The following SLC30A7 variants were observed in gnomAD, a reference collection of about 807,000 sequenced individuals.
SLC30A7 encodes zinc transporter 7.
In SLC30A7, 35 loss-of-function variants were observed where a neutral mutation model predicts 46.0. The observed-to-expected ratio is 0.76, with a 90% confidence interval of 0.58 to 1.01. The LOEUF (loss-of-function observed/expected upper bound fraction) is 1.01. SLC30A7 is among the 50% of genes least tolerant of loss of function. The pLI is 0.00. For missense variants in SLC30A7, 464 were observed against 451.1 expected, an observed-to-expected ratio of 1.03 and a Z score of -0.26; for synonymous variants, 147 against 157.8, an observed-to-expected ratio of 0.93 and a Z score of 0.51.
At chr1:100,925,803 T>C (rs908432446) in intron 8 of SLC30A7, among the ~76,000 whole-genome samples, 3 of 152,142 alleles carry the variant, frequency 2.0e-5, no homozygotes, top group Admixed American at 2.0e-4. Flanking sequence ...AGAGTTCAAA[T>C]AGACAAAGAG....
At chr1:100,959,384 G>A (rs1655415812) in intron 8 of SLC30A7, among the ~76,000 whole-genome samples, 1 of 152,172 alleles carries the variant, frequency 6.6e-6, no homozygotes, top group Non-Finnish European at 1.5e-5. Flanking sequence ...TACGTTCTGT[G>A]GTTTAGGAAC....
At chr1:100,922,697 A>ATATT (rs1207204070) in intron 8 of SLC30A7, among the ~76,000 whole-genome samples, 1 of 152,242 alleles carries the variant, frequency 6.6e-6, no homozygotes, top group Non-Finnish European at 1.5e-5. Flanking sequence ...ATATGGAAAG[A>ATATT]TAAATGTGTG....
chr1:100,987,922 CAT>C, the SLC30A7 span, among the ~76,000 whole-genome samples: 1 of 152,018 alleles, frequency 6.6e-6, no homozygotes, highest in Admixed American at 6.6e-5. Flanking sequence ...AATACATGGC[CAT>C]TCTGGGGTTT....
intron 2 of SLC30A7, among the ~76,000 whole-genome samples, chr1:100,905,117 A>T (rs1651564196): frequency 6.6e-6 from 1 of 152,088 alleles, no homozygotes; most frequent in African/African-American, 2.4e-5. Context: ...GTATCTGATA[A>T]GAACCTTACA....
chr1:100,943,329 C>A (rs759192027), intron 8 of SLC30A7, among the ~76,000 whole-genome samples: 4 of 152,134 alleles, frequency 2.6e-5, no homozygotes, highest in Non-Finnish European at 5.9e-5. Flanking sequence ...AAGGACATAA[C>A]AAAGGATACA....
intron 8 of SLC30A7, among the ~76,000 whole-genome samples, 157 bp downstream of exon 8, chr1:100,921,998 G>A (rs2101032746): frequency 7.1e-6 from 1 of 141,826 alleles, no homozygotes; most frequent in East Asian, 2.1e-4. Context: ...CTGTCACCCA[G>A]GCTGGAGTGC....
chr1:100,950,497 T>C (rs1230063556), intron 8 of SLC30A7, among the ~76,000 whole-genome samples: 1 of 152,234 alleles, frequency 6.6e-6, no homozygotes, highest in Non-Finnish European at 1.5e-5. Context: ...AGATTTGTTT[T>C]TGGTCATGTC....
chr1:100,926,962 A>G (rs1653341948), intron 8 of SLC30A7, among the ~76,000 whole-genome samples: 1 of 152,190 alleles, frequency 6.6e-6, no homozygotes, highest in Non-Finnish European at 1.5e-5. Context: ...GGAGAGGAAT[A>G]TGGGACTGTT....
At position 100,965,905 on chromosome 1, in the gene SLC30A7, A is replaced by G. The variant is rs748990400; in HGVS notation, c.1070A>G (p.Asn357Ser). The change falls in exon 10 of 11, where the codon AAT becomes AGT. Residue 357 changes from asparagine to serine, a missense_variant. Physicochemically the swap from Asn to Ser is conservative, Grantham distance 46. Coordinates refer to ENST00000357650, the MANE Select transcript of SLC30A7 (RefSeq NM_133496.5). ...DARWILSQTH[N>S]IFTQAGVRQL... Reference sequence around the variant, plus strand: ...AGGTGGATTTTAAGCCAAACACATAATATTTTTACTCAGGTATGTCTTTTT... The same window carrying G: ...AGGTGGATTTTAAGCCAAACACATAGTATTTTTACTCAGGTATGTCTTTTT... 6.8e-6 allele frequency: 11 copies of G among 1,611,742 alleles called. No individual in the cohort carries two copies. Among genetic ancestry groups the G allele is most frequent in the Non-Finnish European group, 8.5e-6 (10 of 1,179,438 alleles).
chr1:100,990,686 A>T, the SLC30A7 span: 1 of 1,535,290 alleles, frequency 6.5e-7, no homozygotes, highest in Non-Finnish European at 9.0e-7. Context: ...CATCCATCCA[A>T]CAGTCAAACA....
chr1:100,993,436 C>T, the SLC30A7 span, among the ~76,000 whole-genome samples: 1 of 150,966 alleles, frequency 6.6e-6, no homozygotes, highest in South Asian at 2.1e-4. Context: ...CCTGTAATCC[C>T]AGCTACTCAG....
intron 8 of SLC30A7, among the ~76,000 whole-genome samples, chr1:100,940,427 AAAG>A (rs1399997006): frequency 6.6e-6 from 1 of 152,206 alleles, no homozygotes; most frequent in Non-Finnish European, 1.5e-5. Flanking sequence ...ACATTTTTAA[AAAG>A]AAGAATTTTG....
At chr1:100,985,959 A>T (rs1657241383), downstream of SLC30A7, among the ~76,000 whole-genome samples, 1 of 152,256 alleles carries the variant, frequency 6.6e-6, no homozygotes, top group Non-Finnish European at 1.5e-5. Flanking sequence ...TGTAATAAAC[A>T]CTCAAAATTT....
At chr1:100,935,068 A>G (rs1051180576) in intron 8 of SLC30A7, among the ~76,000 whole-genome samples, 1 of 152,198 alleles carries the variant, frequency 6.6e-6, no homozygotes, top group Non-Finnish European at 1.5e-5. Context: ...GCTTCAAACT[A>G]TTTGTGTTTA....
At position 100,941,824 on chromosome 1, in the gene SLC30A7, C is replaced by A. The variant is rs1331735959; in HGVS notation, c.842+19983C>A. Reference sequence around the variant, plus strand: ...GTGGCATACGTGACAAACCCAAGGCCCCTGGAGTGCCTGGTGTTTGGATCT... The same window carrying A: ...GTGGCATACGTGACAAACCCAAGGCACCTGGAGTGCCTGGTGTTTGGATCT... On this transcript the variant is annotated intron_variant, in intron 8 of 10. Transcript: ENST00000357650. The A allele has an allele frequency of 8.1e-5, 43 of 533,996 alleles. No individual in the cohort carries two copies. In the East Asian group the frequency reaches 1.8e-3, roughly 22 times the overall value. 33.1% of individuals were successfully genotyped at this position (533,996 alleles called of 1,614,324 possible).
chr1:100,946,721 A>G (rs1022465377), intron 8 of SLC30A7, among the ~76,000 whole-genome samples: 18 of 152,326 alleles, frequency 1.2e-4, no homozygotes, highest in Middle Eastern at 6.8e-3. Flanking sequence ...ATCGATGTTC[A>G]TTAAAGATAT....
intron 8 of SLC30A7, among the ~76,000 whole-genome samples, chr1:100,927,430 G>A (rs184730027): frequency 6.6e-6 from 1 of 152,214 alleles, no homozygotes; most frequent in African/African-American, 2.4e-5. Context: ...ACTAAGAAGA[G>A]TGATGAGAAT....
chr1:100,925,434 G>A (rs1369691507), intron 8 of SLC30A7, among the ~76,000 whole-genome samples: 1 of 152,202 alleles, frequency 6.6e-6, no homozygotes, highest in Non-Finnish European at 1.5e-5. Context: ...GGGGGCACAA[G>A]TGAGAACAGG....
chr1:100,927,889 G>GATATT (rs142600437), intron 8 of SLC30A7, among the ~76,000 whole-genome samples: 23,976 of 152,030 alleles, frequency 0.16, 1,911 homozygotes, highest in Non-Finnish European at 0.17. Context: ...TGTTTGGGAA[G>GATATT]AAGTATTAAG....
Sources: gnomAD v4.1 joint callset for allele counts (sites outside exome capture counted in the v4.1 genomes callset) on GRCh38, gnomAD v4.1.1 for gene constraint, MANE v1.5 for transcripts, NCBI Gene and HGNC (gene_info 2026-07-23, HGNC 2026-07-21) for gene names.